IDE: variants seen among roughly 807,000 people sequenced by gnomAD.
IDE encodes insulin-degrading enzyme.
A neutral mutation model predicts 133.2 loss-of-function variants in IDE; 58 were observed. That is an observed-to-expected ratio of 0.44 (90% confidence interval 0.35 to 0.54). IDE has a LOEUF of 0.54. Ranked by LOEUF, IDE falls within the 20% of genes least tolerant of loss-of-function variation. IDE has a pLI of 0.00. For synonymous variants in IDE, 396 were observed against 421.3 expected (o/e 0.94, Z 0.73); for missense variants, 981 against 1,234.0 (o/e 0.79, Z 3.07).
At chr10:92,555,730 C>T (rs79020942) in intron 1 of IDE, among the ~76,000 whole-genome samples, 3,184 of 152,240 alleles carry the variant, frequency 0.021, 50 homozygotes, top group Admixed American at 0.052. Context: ...CTGCTAGCAT[C>T]GTACTTAATG....
intron 1 of IDE, among the ~76,000 whole-genome samples, chr10:92,549,032 C>A (rs1316459471): frequency 6.6e-6 from 1 of 151,842 alleles, no homozygotes; most frequent in Admixed American, 6.6e-5. Context: ...CTGAGGCGGG[C>A]GGATCACATG....
intron 17 of IDE, among the ~76,000 whole-genome samples, chr10:92,471,449 A>G (rs958259810): frequency 3.3e-5 from 5 of 152,230 alleles, no homozygotes; most frequent in Admixed American, 2.6e-4. Context: ...AAGAAAATTT[A>G]AGTTTGTTGT....
At chr10:92,475,755 G>A (rs372122653) in intron 16 of IDE, 129 bp downstream of exon 16, 4 of 504,264 alleles carry the variant, frequency 7.9e-6, no homozygotes. Flanking sequence ...AAGGTGAGAT[G>A]AATGCCACAG....
intron 4 of IDE, among the ~76,000 whole-genome samples, chr10:92,516,180 C>T (rs1318777398): frequency 1.4e-5 from 2 of 141,888 alleles, no homozygotes; most frequent in South Asian, 2.3e-4. Flanking sequence ...ACGGAAACTC[C>T]GTCTCAAAAA....
intron 4 of IDE, among the ~76,000 whole-genome samples, chr10:92,524,484 T>TTATATATTTTATATAATATATAATATATA (rs1849489340): frequency 7.4e-5 from 2 of 27,182 alleles, no homozygotes; most frequent in African/African-American, 3.5e-4. Context: ...ATAATATATA[T>TTATATATTTTATATAATATATAATATATA]TATATTATAA....
At chr10:92,556,754 T>C (rs1843029884) in intron 1 of IDE, among the ~76,000 whole-genome samples, 1 of 151,260 alleles carries the variant, frequency 6.6e-6, no homozygotes, top group Non-Finnish European at 1.5e-5. Flanking sequence ...CGAAAGTCTG[T>C]CTCAAAAACA....
chr10:92,514,706 A>AT (rs138399649), intron 5 of IDE, among the ~76,000 whole-genome samples: 2,932 of 151,696 alleles, frequency 0.019, 44 homozygotes, highest in Admixed American at 0.052. Flanking sequence ...AGTAATTTGT[A>AT]TTTTTTTTCA....
intron 12 of IDE, among the ~76,000 whole-genome samples, chr10:92,489,471 T>C (rs1460286599): frequency 6.6e-6 from 1 of 151,944 alleles, no homozygotes; most frequent in Non-Finnish European, 1.5e-5. Context: ...GAGGTTGCAG[T>C]GAGCCAAGAT....
chr10:92,497,700 G>T (rs1188989055), intron 11 of IDE: 2 of 983,508 alleles, frequency 2.0e-6, no homozygotes, highest in South Asian at 4.7e-5. Flanking sequence ...TGGTCTGGCA[G>T]CTGGCAATAT....
chr10:92,539,870 C>T lies in IDE; in HGVS notation c.99-2320G>A, dbSNP rs147529864. On this transcript the variant is annotated intron_variant, in intron 1 of 24. Coordinates refer to ENST00000265986, the MANE Select transcript of IDE (RefSeq NM_004969.4). ...TGCCAAGTCTAAAAAATGGTGTTTG[C>T]GGTAAAATAGTAATAATTCTCAGGG... Among the ~76,000 whole-genome samples the T allele has an allele frequency of 2.4e-4, 36 of 152,070 alleles. 1 individual carries two copies. The highest frequency in any genetic ancestry group is 6.2e-4 in the South Asian group (3 of 4,802).
At position 92,524,516 on chromosome 10, in the gene IDE, T is replaced by TATTATAATATATTTTATATAATATATAAA. The variant is rs1849507488; in HGVS notation, c.661+7231_661+7232insTTTATATATTATATAAAATATATTATAAT. On this transcript the variant is annotated intron_variant, in intron 4 of 24. Coordinates refer to ENST00000265986, the MANE Select transcript of IDE (RefSeq NM_004969.4). Reference sequence around the variant, plus strand: ...ATAATATATTTTATATAATATATAATATATATTATATTATAATATATTTTA... The same window carrying TATTATAATATATTTTATATAATATATAAA: ...ATAATATATTTTATATAATATATAATATTATAATATATTTTATATAATATATAAAATATATTATATTATAATATATTTTA... 2.1e-4 allele frequency among the ~76,000 whole-genome samples: 10 copies of TATTATAATATATTTTATATAATATATAAA among 47,064 alleles called. 1 individual carries two copies. Among genetic ancestry groups the TATTATAATATATTTTATATAATATATAAA allele is most frequent in the South Asian group, 1.1e-3 (2 of 1,830 alleles). The allele number at this position is 47,064 out of a possible 152,430, so 30.9% of individuals were successfully genotyped here.
intron 1 of IDE, among the ~76,000 whole-genome samples, chr10:92,570,439 G>GAA (rs1177409308): frequency 6.6e-6 from 1 of 152,124 alleles, no homozygotes; most frequent in Non-Finnish European, 1.5e-5. Flanking sequence ...ACAGAACAGT[G>GAA]AAAACAGACT....
In IDE at chr10:92,507,732, C is replaced by G. The variant is rs939894829; in HGVS notation, c.1154-66G>C. 27 of 897,762 alleles carry G rather than the reference C, an allele frequency of 3.0e-5. No homozygotes were observed. The African/African-American group carries it at 3.7e-4, about 12-fold the overall frequency. The allele number at this position is 897,762 out of a possible 1,614,324, so 55.6% of individuals were successfully genotyped here. On this transcript the variant is annotated intron_variant, in intron 8 of 24. Transcript: ENST00000265986. The stretch of plus-strand genomic sequence containing the variant: ...AATCCTTCAAAGCAGTGAGCTCACT[C>G]CTAAGGTAAAGTCAGATAAGTGGAA...
At chr10:92,556,320 A>G (rs1396714016) in intron 1 of IDE, among the ~76,000 whole-genome samples, 6 of 152,132 alleles carry the variant, frequency 3.9e-5, no homozygotes, top group Non-Finnish European at 8.8e-5. Context: ...AATTAATAAT[A>G]GCATCAAAAA....
intron 1 of IDE, among the ~76,000 whole-genome samples, chr10:92,541,008 C>T (rs1400751828): frequency 6.6e-6 from 1 of 152,148 alleles, no homozygotes; most frequent in Non-Finnish European, 1.5e-5. Context: ...TGAAGTTGTG[C>T]TGGATTAATA....
At chr10:92,537,696 A>G (rs1842086193) in intron 1 of IDE, 146 bp from the exon 2 acceptor site, 6 of 601,188 alleles carry the variant, frequency 1.0e-5, no homozygotes, top group Non-Finnish European at 1.8e-5. Context: ...GGGTGCAGTC[A>G]TTCCTTTCCT....
rs1040449360 is a variant in IDE at position 92,527,150 on chromosome 10, G to A, written c.661+4598C>T. On this transcript the variant is annotated intron_variant, in intron 4 of 24. Transcript: ENST00000265986. The stretch of plus-strand genomic sequence containing the variant: ...TATATTTTCTTTTAAAAGTTGTAGC[G>A]AACCAGACTCAGTGGCACATGTCTG... Among the ~76,000 whole-genome samples the A allele has an allele frequency of 3.3e-5, 5 of 152,136 alleles. No individual in the cohort carries two copies. In the South Asian group the frequency reaches 6.2e-4, roughly 19 times the overall value.
intron 1 of IDE, chr10:92,573,176 A>T (rs1357571443): frequency 3.0e-6 from 3 of 985,452 alleles, no homozygotes; most frequent in East Asian, 1.1e-4. Context: ...TACGCAGATC[A>T]ACGGTGCAGT....
Position 92,574,067 on chromosome 10 carries a change from T to G in IDE, c.-48A>C. The G allele has an allele frequency of 7.0e-7, 1 of 1,437,764 alleles. No individual in the cohort carries two copies. The highest frequency in any genetic ancestry group is 9.3e-7 in the Non-Finnish European group (1 of 1,076,094). 89.1% of individuals were successfully genotyped at this position (1,437,764 alleles called of 1,614,324 possible). A position where few individuals can be genotyped will look rare whatever the true frequency, so the allele number is the denominator to read the frequency against. On this transcript the variant is annotated 5_prime_UTR_variant, in exon 1 of 25. Coordinates refer to ENST00000265986, the MANE Select transcript of IDE (RefSeq NM_004969.4). Reference sequence around the variant, plus strand: ...CACCGCAAACGCTTCCTGCTTGCGCTTCGAGCCGGCCCTGCGCACTGCGCA... The same window carrying G: ...CACCGCAAACGCTTCCTGCTTGCGCGTCGAGCCGGCCCTGCGCACTGCGCA...
Sources: gnomAD v4.1 joint callset for allele counts (sites outside exome capture counted in the v4.1 genomes callset) on GRCh38, gnomAD v4.1.1 for gene constraint, MANE v1.5 for transcripts, NCBI Gene and HGNC (gene_info 2026-07-23, HGNC 2026-07-21) for gene names.